ZNF671: variants seen among roughly 807,000 people sequenced by gnomAD.
ZNF671 encodes the protein hypothetical protein FLJ23506.
In ZNF671, 19 loss-of-function variants were observed where a neutral mutation model predicts 16.6. That is an observed-to-expected ratio of 1.14 (90% CI 0.80 to 1.68). The LOEUF (loss-of-function observed/expected upper bound fraction) is 1.68, where lower values mean the gene tolerates loss of function less well. ZNF671 is among the 40% of genes most tolerant of loss of function. The pLI is 0.00. For synonymous variants in ZNF671, 238 were observed against 236.3 expected (o/e 1.01, Z -0.06); for missense variants, 637 against 659.8 (o/e 0.97, Z 0.38).
chr19:57,721,903 ATAT>A, intron 3 of ZNF671: 1 of 690,116 alleles, frequency 1.4e-6, no homozygotes. Flanking sequence ...AAGGGCCAGG[ATAT>A]AAGAATGGAA....
In ZNF671 at chr19:57,720,347, C is replaced by G; in HGVS notation, c.*134G>C. ...AGGCCTGTGTCCGGTGTGAAATTCC[C>G]AATGGCGGGTAAGGTTCAGCCTCCA... On this transcript the variant is annotated 3_prime_UTR_variant, in exon 4 of 4. Coordinates refer to ENST00000317398, the MANE Select transcript of ZNF671 (RefSeq NM_024833.3). The G allele has an allele frequency of 7.9e-7, 1 of 1,258,312 alleles. No homozygotes were observed. 77.9% of individuals were successfully genotyped at this position (1,258,312 alleles called of 1,614,324 possible).
Position 57,727,489 on chromosome 19 carries a change from G to C in ZNF671, c.40C>G (p.Gln14Glu), listed in dbSNP as rs770079818. Residue 14 changes from glutamine to glutamate, a missense_variant, in exon 1 of 4, where the codon CAG (glutamine) becomes GAG (glutamate). Gln to Glu is a conservative substitution (Grantham distance 29, BLOSUM62 2). Coordinates refer to ENST00000317398, the MANE Select transcript of ZNF671 (RefSeq NM_024833.3). ...CGGGGACGCAGGCACTTCCGTCCCTGCAGAGCATCAGACGCGTCTCGGGAC... is the reference window on the plus strand; with the variant it reads ...CGGGGACGCAGGCACTTCCGTCCCTCCAGAGCATCAGACGCGTCTCGGGAC... ...PVSRDASDAL[Q>E]GRKCLRPRSR... is the part of the protein sequence containing the mutation. 6.2e-7 allele frequency: 1 copy of C among 1,613,138 alleles called. No homozygotes were observed. Among genetic ancestry groups the C allele is most frequent in the South Asian group, 1.1e-5 (1 of 90,998 alleles).
At position 57,721,977 on chromosome 19, in the gene ZNF671, T is replaced by C. The variant is rs79248259; in HGVS notation, c.389-280A>G. ...AGTGACTCGTGAGTGCTATGAAAAA[T>C]GTATCCAGTCCCAGGAAAATCCAAC... On this transcript the variant is annotated intron_variant, in intron 3 of 3. Transcript: ENST00000317398. 2.0e-3 allele frequency: 1,118 copies of C among 559,246 alleles called. 15 individuals carry two copies. The highest frequency in any genetic ancestry group is 0.019 in the African/African-American group (991 of 53,358). 34.6% of individuals were successfully genotyped at this position (559,246 alleles called of 1,614,324 possible).
chr19:57,722,947 C>G (rs1985927827), intron 2 of ZNF671, among the ~76,000 whole-genome samples: 1 of 151,968 alleles, frequency 6.6e-6, no homozygotes, highest in African/African-American at 2.4e-5. Flanking sequence ...GAACCTTGGG[C>G]ACAGAGGCAT....
intron 1 of ZNF671, among the ~76,000 whole-genome samples, chr19:57,725,828 G>A (rs1050532686): frequency 6.6e-6 from 1 of 151,262 alleles, no homozygotes; most frequent in Admixed American, 6.6e-5. Flanking sequence ...CAGCTACTGG[G>A]AAAACTGAGG....
In ZNF671 at chr19:57,722,211, C is replaced by A. The variant is rs369170097; in HGVS notation, c.388+105G>T. ...AAGAACAGGAAAGGACAGATAGAAA[C>A]GCTGTGTGGCCACTGGCCCTGGAAA... On this transcript the variant is annotated intron_variant, in intron 3 of 3. Coordinates refer to ENST00000317398, the MANE Select transcript of ZNF671 (RefSeq NM_024833.3). 5.9e-6 allele frequency: 9 copies of A among 1,513,976 alleles called. No individual in the cohort carries two copies. The Admixed American group carries it at 1.4e-4, about 24-fold the overall frequency. 93.8% of individuals were successfully genotyped at this position (1,513,976 alleles called of 1,614,324 possible). A position where few individuals can be genotyped will look rare whatever the true frequency, so the allele number is the denominator to read the frequency against.
At chr19:57,726,201 A>G (rs889707996) in intron 1 of ZNF671, among the ~76,000 whole-genome samples, 8 of 150,452 alleles carry the variant, frequency 5.3e-5, no homozygotes, top group Non-Finnish European at 8.9e-5. Flanking sequence ...GGGCACCTGT[A>G]ATCTCAACTA....
chr19:57,725,262 G>A lies in ZNF671; in HGVS notation c.139-1922C>T, dbSNP rs1015538819. On this transcript the variant is annotated intron_variant, in intron 1 of 3. Transcript: ENST00000317398. ...GTGGATCTCCTGAGGGCAGGAGTTC[G>A]AGACCAGCCTGGCCAACATCGTGAA... Among the ~76,000 whole-genome samples, 15 of 151,598 alleles carry A rather than the reference G, an allele frequency of 9.9e-5. 1 individual carries two copies. Among genetic ancestry groups the A allele is most frequent in the East Asian group, 5.8e-4 (3 of 5,138 alleles).
chr19:57,724,164 T>C (rs1985970890), intron 1 of ZNF671, among the ~76,000 whole-genome samples: 1 of 152,140 alleles, frequency 6.6e-6, no homozygotes, highest in South Asian at 2.1e-4. Flanking sequence ...CTGGCCCTGT[T>C]CCTTTTTTCA....
chr19:57,726,327 A>T (rs1040001011), intron 1 of ZNF671, among the ~76,000 whole-genome samples: 1 of 151,876 alleles, frequency 6.6e-6, no homozygotes, highest in African/African-American at 2.4e-5. Flanking sequence ...AATAAAAAAA[A>T]TAAATAAACT....
In ZNF671 at chr19:57,720,333, C is replaced by T. The variant is rs1045411842; in HGVS notation, c.*148G>A. The T allele has an allele frequency of 2.1e-5, 23 of 1,100,748 alleles. No individual in the cohort carries two copies. The highest frequency in any genetic ancestry group is 4.5e-5 in the Admixed American group (2 of 44,032). The allele number at this position is 1,100,748 out of a possible 1,614,324, so 68.2% of individuals were successfully genotyped here. ...TGCTTAGACTGCTAAGGCCTGTGTCCGGTGTGAAATTCCCAATGGCGGGTA... is the reference window on the plus strand; with the variant it reads ...TGCTTAGACTGCTAAGGCCTGTGTCTGGTGTGAAATTCCCAATGGCGGGTA... On this transcript the variant is annotated 3_prime_UTR_variant, in exon 4 of 4. Coordinates refer to ENST00000317398, the MANE Select transcript of ZNF671 (RefSeq NM_024833.3).
At chr19:57,725,921 G>A (rs1202165642) in intron 1 of ZNF671, among the ~76,000 whole-genome samples, 3 of 151,418 alleles carry the variant, frequency 2.0e-5, no homozygotes, top group African/African-American at 4.9e-5. Flanking sequence ...GTGACAGAGC[G>A]AGACTCGTCT....
chr19:57,725,069 G>C (rs981395859), intron 1 of ZNF671, among the ~76,000 whole-genome samples: 17 of 152,034 alleles, frequency 1.1e-4, no homozygotes, highest in African/African-American at 4.1e-4. Context: ...CAAACACAAA[G>C]ATTAGAGAAG....
In ZNF671 at chr19:57,720,801, C is replaced by G; in HGVS notation, c.1285G>C (p.Glu429Gln). 3.1e-6 allele frequency: 5 copies of G among 1,614,242 alleles called. No individual in the cohort carries two copies. Among genetic ancestry groups the G allele is most frequent in the Non-Finnish European group, 3.4e-6 (4 of 1,180,046 alleles). ...CTTTGGCTAAAGGCCTTCCCACATT[C>G]ACTGCACTCATAAGGCCTTTCTCCA... ...HTGERPYECS[E>Q]CGKAFSQSSH... The change falls in exon 4 of 4, where the codon GAA (glutamate) becomes CAA (glutamine). Residue 429 changes from glutamate (E) to glutamine (Q), a missense_variant. Coordinates refer to ENST00000317398, the MANE Select transcript of ZNF671 (RefSeq NM_024833.3).
chr19:57,721,039 G>C lies in ZNF671; in HGVS notation c.1047C>G (p.Phe349Leu), dbSNP rs1431497415. The C allele has an allele frequency of 6.2e-7, 1 of 1,614,070 alleles. No homozygotes were observed. Among genetic ancestry groups the C allele is most frequent in the Non-Finnish European group, 8.5e-7 (1 of 1,179,964 alleles). The stretch of plus-strand genomic sequence containing the variant: ...CAATCAGGCCGGAGATTTGTCTAAA[G>C]AATTTCCCACATTCGCTGCACTCGT... ...RPYECSECGK[F>L]FRQISGLIEH... Residue 349 changes from phenylalanine to leucine, a missense_variant, in exon 4 of 4, where the codon TTC (phenylalanine) becomes TTG (leucine). By Grantham distance (22) the Phe-to-Leu change is conservative. Transcript: ENST00000317398.
At chr19:57,724,812 A>T (rs1169926055) in intron 1 of ZNF671, among the ~76,000 whole-genome samples, 2 of 152,182 alleles carry the variant, frequency 1.3e-5, no homozygotes, top group African/African-American at 2.4e-5. Flanking sequence ...GGTGTGAGCC[A>T]CTGCGCCTGG....
chr19:57,721,831 G>T, intron 3 of ZNF671, 134 bp from the exon 4 acceptor site: 1 of 1,281,398 alleles, frequency 7.8e-7, no homozygotes, highest in Non-Finnish European at 1.1e-6. Flanking sequence ...TGGTCAGAGT[G>T]AGGAAGGAAT....
intron 1 of ZNF671, among the ~76,000 whole-genome samples, chr19:57,724,042 CAA>C (rs59972380): frequency 7.8e-4 from 97 of 124,748 alleles, no homozygotes; most frequent in Admixed American, 1.1e-3. Context: ...GACTCCATCT[CAA>C]AAAAAAAAAA....
chr19:57,723,339 C>A lies in ZNF671; in HGVS notation c.140G>T (p.Gly47Val), dbSNP rs766781514. ...PMAELTDSAR[G>V]CVVFEDVFVY... ...AAACACATCCTCAAAGACCACACAG[C>A]CCTGCAACAAAAGGGACAGGAAGGA... Residue 47 changes from glycine (G) to valine (V), a missense_variant and splice_region_variant, in exon 2 of 4, where the codon GGC (glycine) becomes GTC (valine). Physicochemically the swap from Gly to Val is moderately radical, Grantham distance 109. Coordinates refer to ENST00000317398, the MANE Select transcript of ZNF671 (RefSeq NM_024833.3). 2 of 1,609,066 alleles carry A rather than the reference C, an allele frequency of 1.2e-6. No individual in the cohort carries two copies. The highest frequency in any genetic ancestry group is 1.1e-5 in the South Asian group (1 of 90,718).
Sources: gnomAD v4.1 joint callset for allele counts (sites outside exome capture counted in the v4.1 genomes callset) on GRCh38, gnomAD v4.1.1 for gene constraint, MANE v1.5 for transcripts, NCBI Gene and HGNC (gene_info 2026-07-23, HGNC 2026-07-21) for gene names.